The following UIMC1 variants were observed in gnomAD, a reference collection of about 807,000 sequenced individuals.
UIMC1 encodes BRCA1-A complex subunit RAP80.
UIMC1 carries 42 observed loss-of-function variants against 84.9 expected under a neutral mutation model. That is an observed-to-expected ratio of 0.49 (90% CI 0.39 to 0.64). UIMC1 has a LOEUF of 0.64. UIMC1 is among the 30% of genes least tolerant of loss of function. UIMC1 has a pLI of 0.00. For synonymous variants in UIMC1, 281 were observed against 293.0 expected, an observed-to-expected ratio of 0.96 and a Z score of 0.42; for missense variants, 825 against 847.6, an observed-to-expected ratio of 0.97 and a Z score of 0.33.
intron 10 of UIMC1, among the ~76,000 whole-genome samples, chr5:176,928,817 G>T (rs183926736): frequency 3.3e-5 from 5 of 152,140 alleles, no homozygotes; most frequent in South Asian, 4.2e-4. Flanking sequence ...TGGGCATGGT[G>T]GGGGGCACCT....
chr5:176,917,989 A>C (rs1205600578), intron 10 of UIMC1, among the ~76,000 whole-genome samples: 1 of 152,216 alleles, frequency 6.6e-6, no homozygotes, highest in Non-Finnish European at 1.5e-5. Context: ...TGAATTCCTC[A>C]GTCCCATGAG....
At chr5:176,907,008 C>T in intron 13 of UIMC1, 106 bp downstream of exon 13, 10 of 1,164,922 alleles carry the variant, frequency 8.6e-6, no homozygotes, top group Non-Finnish European at 1.0e-5. Flanking sequence ...GACTGGATCA[C>T]GTGTGTACCC....
At chr5:176,923,138 A>C (rs1364142219) in intron 10 of UIMC1, among the ~76,000 whole-genome samples, 1 of 152,254 alleles carries the variant, frequency 6.6e-6, no homozygotes, top group Non-Finnish European at 1.5e-5. Context: ...TACCAACATA[A>C]TCACGTAAGA....
intron 10 of UIMC1, among the ~76,000 whole-genome samples, chr5:176,922,777 C>T (rs1761863933): frequency 6.6e-6 from 1 of 152,170 alleles, no homozygotes; most frequent in Non-Finnish European, 1.5e-5. Flanking sequence ...TATATATTAT[C>T]AAATTGCTTA....
At chr5:177,004,295 C>T (rs1774966742) in intron 1 of UIMC1, among the ~76,000 whole-genome samples, 1 of 152,118 alleles carries the variant, frequency 6.6e-6, no homozygotes, top group African/African-American at 2.4e-5. Flanking sequence ...ACAGGCTCCC[C>T]ACAGATACAA....
At chr5:177,018,900 G>A (rs1437896184) in intron 1 of UIMC1, among the ~76,000 whole-genome samples, 3 of 152,160 alleles carry the variant, frequency 2.0e-5, no homozygotes. Flanking sequence ...TCCACTCCCA[G>A]TATTTGTTAC....
chr5:176,939,544 T>A (rs1431266198), intron 10 of UIMC1, among the ~76,000 whole-genome samples: 13 of 152,212 alleles, frequency 8.5e-5, no homozygotes, highest in Admixed American at 6.5e-4. Context: ...GTGTTACAAG[T>A]GACTACAGTG....
At chr5:177,019,482 A>T (rs538976653) in intron 1 of UIMC1, among the ~76,000 whole-genome samples, 87 of 151,668 alleles carry the variant, frequency 5.7e-4, no homozygotes, top group Non-Finnish European at 1.0e-3. Context: ...CAAAAAAAAA[A>T]TTTTTTTTAA....
Position 176,982,568 on chromosome 5 carries a change from G to T in UIMC1, c.48C>A (p.Asn16Lys). 6.2e-7 allele frequency: 1 copy of T among 1,613,988 alleles called. No homozygotes were observed. Among genetic ancestry groups the T allele is most frequent in the Non-Finnish European group, 8.5e-7 (1 of 1,179,996 alleles). The change falls in exon 2 of 15, where the codon AAC becomes AAA. Residue 16 changes from asparagine (N) to lysine (K), a missense_variant. Physicochemically the swap from Asn to Lys is moderately conservative, Grantham distance 94. Coordinates refer to ENST00000511320, the MANE Select transcript of UIMC1 (RefSeq NM_001199298.2). ...TAGTTTCCACATCCTTCTTCTCCAGGTTCCGAGATTCGGAGACTTCTTTAA... is the reference window on the plus strand; with the variant it reads ...TAGTTTCCACATCCTTCTTCTCCAGTTTCCGAGATTCGGAGACTTCTTTAA... ...KKVKEVSESRNLEKKDVETTS... is the reference protein window; with the variant it reads ...KKVKEVSESRKLEKKDVETTS...
At chr5:176,922,182 T>C (rs57306278) in intron 10 of UIMC1, among the ~76,000 whole-genome samples, 83 of 152,292 alleles carry the variant, frequency 5.5e-4, no homozygotes, top group African/African-American at 1.9e-3. Context: ...TATTATCTGT[T>C]TCCCTCACAA....
intron 10 of UIMC1, among the ~76,000 whole-genome samples, chr5:176,929,448 T>G (rs535354168): frequency 1.3e-5 from 2 of 151,182 alleles, no homozygotes; most frequent in Admixed American, 6.6e-5. Flanking sequence ...GTGCCTGTAG[T>G]CCCAGCTACT....
At chr5:176,925,409 T>C (rs1762273659) in intron 10 of UIMC1, among the ~76,000 whole-genome samples, 1 of 152,084 alleles carries the variant, frequency 6.6e-6, no homozygotes, top group South Asian at 2.1e-4. Context: ...ATTAAAATGG[T>C]ATAACTACTT....
intron 10 of UIMC1, among the ~76,000 whole-genome samples, chr5:176,912,142 C>T (rs1041092584): frequency 2.6e-5 from 4 of 152,194 alleles, no homozygotes; most frequent in African/African-American, 7.2e-5. Flanking sequence ...AGCAGGGTTA[C>T]GAGTAACTTA....
intron 1 of UIMC1, among the ~76,000 whole-genome samples, chr5:176,983,425 G>A (rs353484): frequency 0.43 from 64,544 of 151,754 alleles, 13,947 homozygotes; most frequent in East Asian, 0.48. Context: ...GGTGGAGACC[G>A]GGTTTCGCCA....
At chr5:177,018,942 G>A (rs545302227) in intron 1 of UIMC1, among the ~76,000 whole-genome samples, 1 of 152,160 alleles carries the variant, frequency 6.6e-6, no homozygotes, top group African/African-American at 2.4e-5. Context: ...TGGGTTCTGC[G>A]ACTTCGACAA....
At chr5:176,978,682 T>C (rs781242254) in intron 2 of UIMC1, among the ~76,000 whole-genome samples, 2 of 152,096 alleles carry the variant, frequency 1.3e-5, no homozygotes, top group Non-Finnish European at 2.9e-5. Flanking sequence ...CCAAGTATGA[T>C]TTATTTCAGA....
In UIMC1 at chr5:176,968,990, C is replaced by A; in HGVS notation, c.765G>T (p.Arg255Ser). ...KAVQGSGDTS[R>S]HCLPTLADAK... ...CATCTGCTAGGGTAGGTAGACAGTG[C>A]CTAGATGTGTCCCCGCTACCCTGGA... The change falls in exon 6 of 15, where the codon AGG becomes AGT. Residue 255 changes from arginine to serine, a missense_variant. Coordinates refer to ENST00000511320, the MANE Select transcript of UIMC1 (RefSeq NM_001199298.2). 6.2e-7 allele frequency: 1 copy of A among 1,614,224 alleles called. No individual in the cohort carries two copies. The highest frequency in any genetic ancestry group is 1.1e-5 in the South Asian group (1 of 91,086).
chr5:177,005,521 T>C (rs1034176415), intron 1 of UIMC1, among the ~76,000 whole-genome samples: 2 of 151,858 alleles, frequency 1.3e-5, no homozygotes, highest in Non-Finnish European at 2.9e-5. Context: ...GACAAGTGTG[T>C]AACAATACAA....
At chr5:176,959,533 G>A (rs1397077392) in intron 6 of UIMC1, among the ~76,000 whole-genome samples, 1 of 150,332 alleles carries the variant, frequency 6.7e-6, no homozygotes, top group South Asian at 2.1e-4. Context: ...CAGCTAAAAC[G>A]GTGAAACCCC....
Sources: gnomAD v4.1 joint callset for allele counts (sites outside exome capture counted in the v4.1 genomes callset) on GRCh38, gnomAD v4.1.1 for gene constraint, MANE v1.5 for transcripts, NCBI Gene and HGNC (gene_info 2026-07-23, HGNC 2026-07-21) for gene names.